The following AGBL4 variants were observed in gnomAD, a reference collection of about 807,000 sequenced individuals.
AGBL4 encodes the protein AGBL carboxypeptidase 4.
AGBL4 carries 58 observed loss-of-function variants against 66.4 expected under a neutral mutation model. The ratio of observed to expected loss-of-function variants is 0.87; its 90% CI spans 0.71 to 1.09. The LOEUF (loss-of-function observed/expected upper bound fraction) is 1.09. AGBL4 is among the 50% of genes least tolerant of loss of function. The pLI is 0.00. For synonymous variants in AGBL4, 234 were observed against 222.9 expected, an observed-to-expected ratio of 1.05 and a Z score of -0.44; for missense variants, 579 against 631.0, an observed-to-expected ratio of 0.92 and a Z score of 0.88.
chr1:49,736,652 C>T (rs918431916), intron 2 of AGBL4, among the ~76,000 whole-genome samples: 35 of 152,058 alleles, frequency 2.3e-4, no homozygotes, highest in African/African-American at 8.0e-4. Context: ...GCAACTAAAA[C>T]TAAAAGAGAC....
intron 6 of AGBL4, among the ~76,000 whole-genome samples, chr1:48,676,983 C>G (rs1646376170): frequency 6.6e-6 from 1 of 152,140 alleles, no homozygotes; most frequent in African/African-American, 2.4e-5. Context: ...AGGCTCTCTG[C>G]TCCCTGGGTC....
chr1:49,274,545 T>C (rs1644126701), intron 3 of AGBL4, among the ~76,000 whole-genome samples: 1 of 152,158 alleles, frequency 6.6e-6, no homozygotes, highest in African/African-American at 2.4e-5. Context: ...GTTATGATTA[T>C]TCTAAGACTT....
intron 2 of AGBL4, among the ~76,000 whole-genome samples, chr1:49,798,663 C>T (rs1207219573): frequency 1.3e-5 from 2 of 152,056 alleles, no homozygotes; most frequent in Non-Finnish European, 2.9e-5. Context: ...GTTCTTATTG[C>T]TTTCTTTATG....
intron 3 of AGBL4, among the ~76,000 whole-genome samples, chr1:49,464,754 A>G (rs1237221140): frequency 6.6e-6 from 1 of 151,748 alleles, no homozygotes; most frequent in African/African-American, 2.4e-5. Flanking sequence ...AATAGAAAAA[A>G]AAATCATTTG....
chr1:48,644,647 G>C (rs1645806841), intron 8 of AGBL4, among the ~76,000 whole-genome samples: 1 of 152,200 alleles, frequency 6.6e-6, no homozygotes, highest in Non-Finnish European at 1.5e-5. Flanking sequence ...GCTGGTTTAA[G>C]ACAATGGAAA....
intron 5 of AGBL4, among the ~76,000 whole-genome samples, chr1:48,879,387 G>A (rs879732158): frequency 4.6e-5 from 7 of 151,896 alleles, no homozygotes; most frequent in South Asian, 4.2e-4. Flanking sequence ...TACTGAAAAA[G>A]AAGTTTTGAA....
At chr1:48,583,045 A>G (rs1301771570) in intron 11 of AGBL4, among the ~76,000 whole-genome samples, 1 of 152,190 alleles carries the variant, frequency 6.6e-6, no homozygotes, top group African/African-American at 2.4e-5. Flanking sequence ...TCTGGCCTCC[A>G]TGATACTAGG....
At chr1:49,538,575 A>T (rs1651778224) in intron 3 of AGBL4, among the ~76,000 whole-genome samples, 1 of 152,200 alleles carries the variant, frequency 6.6e-6, no homozygotes, top group African/African-American at 2.4e-5. Flanking sequence ...ACAGAGAAAT[A>T]CCTTTGGAAA....
chr1:48,990,414 G>T (rs1249897925), intron 5 of AGBL4, among the ~76,000 whole-genome samples: 2 of 152,008 alleles, frequency 1.3e-5, no homozygotes, highest in African/African-American at 4.8e-5. Flanking sequence ...GTCCAGTTTT[G>T]CTTTGGTTGC....
chr1:49,787,918 A>G (rs987923408), intron 2 of AGBL4, among the ~76,000 whole-genome samples: 6 of 149,452 alleles, frequency 4.0e-5, no homozygotes, highest in Admixed American at 4.0e-4. Flanking sequence ...AAACCCCCAG[A>G]AAAAAAAAAG....
At chr1:49,025,094 T>C (rs1018408173) in intron 5 of AGBL4, among the ~76,000 whole-genome samples, 5 of 152,214 alleles carry the variant, frequency 3.3e-5, no homozygotes, top group Non-Finnish European at 7.3e-5. Flanking sequence ...TTCTAACCTA[T>C]GTAGCCCACA....
At chr1:48,683,264 A>G (rs6694362) in intron 6 of AGBL4, among the ~76,000 whole-genome samples, 5,379 of 152,288 alleles carry the variant, frequency 0.035, 321 homozygotes, top group African/African-American at 0.12. Flanking sequence ...GCATCATGCT[A>G]AGGCAATGTC....
At position 48,695,585 on chromosome 1, in the gene AGBL4, G is replaced by A. The variant is rs1007115530; in HGVS notation, c.635-32344C>T. On this transcript the variant is annotated intron_variant, in intron 6 of 13. Transcript: ENST00000371839. ...CCTCCCCTTTAACCAGTTCTATTTC[G>A]GAATGGAAGGGAGTTTGGGACAGCG... Among the ~76,000 whole-genome samples, 55 of 151,628 alleles carry A rather than the reference G, an allele frequency of 3.6e-4. 1 individual carries two copies. Among genetic ancestry groups the A allele is most frequent in the African/African-American group, 1.1e-3 (46 of 41,248 alleles).
intron 3 of AGBL4, among the ~76,000 whole-genome samples, chr1:49,326,491 A>C (rs1343540009): frequency 6.6e-6 from 1 of 152,202 alleles, no homozygotes; most frequent in African/African-American, 2.4e-5. Flanking sequence ...AGGGTGAATG[A>C]GATTATCCAG....
chr1:49,813,468 C>T (rs1407511097), intron 2 of AGBL4, among the ~76,000 whole-genome samples: 3 of 152,082 alleles, frequency 2.0e-5, no homozygotes, highest in African/African-American at 7.2e-5. Context: ...CAGCCCTCGT[C>T]TCCTGACACC....
intron 4 of AGBL4, among the ~76,000 whole-genome samples, chr1:49,151,587 A>G (rs1646336092): frequency 6.6e-6 from 1 of 151,512 alleles, no homozygotes; most frequent in Middle Eastern, 3.4e-3. Flanking sequence ...AAAAAAAAAA[A>G]CCTGGTAATT....
At chr1:48,618,367 C>A (rs1055002196) in intron 9 of AGBL4, among the ~76,000 whole-genome samples, 2 of 152,164 alleles carry the variant, frequency 1.3e-5, no homozygotes, top group Non-Finnish European at 2.9e-5. Flanking sequence ...ATCCCCGGGG[C>A]CTGGAGTGCA....
chr1:49,950,043 CACAT>C (rs1274194642), intron 1 of AGBL4, among the ~76,000 whole-genome samples: 8 of 139,788 alleles, frequency 5.7e-5, no homozygotes, highest in South Asian at 4.3e-4. Context: ...TATATATATA[CACAT>C]ATGTGTATAT....
intron 1 of AGBL4, among the ~76,000 whole-genome samples, chr1:49,941,244 C>A (rs1269402159): frequency 1.3e-5 from 2 of 152,154 alleles, no homozygotes; most frequent in African/African-American, 4.8e-5. Context: ...CTGGTGAATT[C>A]TACCAAACAT....
Sources: gnomAD v4.1 joint callset for allele counts (sites outside exome capture counted in the v4.1 genomes callset) on GRCh38, gnomAD v4.1.1 for gene constraint, MANE v1.5 for transcripts, NCBI Gene and HGNC (gene_info 2026-07-23, HGNC 2026-07-21) for gene names.